The following GSN variants were observed in gnomAD, a reference collection of about 807,000 sequenced individuals.
GSN encodes the protein gelsolin, also known as actin-depolymerizing factor.
GSN carries 56 observed loss-of-function variants against 85.7 expected under a neutral mutation model. That is an observed-to-expected ratio of 0.65 (90% CI 0.53 to 0.82). The LOEUF is 0.82. GSN is among the 40% of genes least tolerant of loss of function. GSN has a pLI of 0.00. For missense variants in GSN, 857 were observed against 979.8 expected (o/e 0.87, Z 1.67); for synonymous variants, 373 against 399.1 (o/e 0.93, Z 0.78).
intron 2 of GSN, chr9:121,286,177 G>C: frequency 6.5e-7 from 1 of 1,532,602 alleles, no homozygotes; most frequent in South Asian, 1.2e-5. Flanking sequence ...GGGCAATTCT[G>C]ACCCATGGGT....
In GSN at chr9:121,332,725, C is replaced by CTTT; in HGVS notation, c.*134_*136dup. 6.6e-6 allele frequency: 4 copies of CTTT among 602,476 alleles called. No homozygotes were observed. The highest frequency in any genetic ancestry group is 2.9e-5 in the East Asian group (1 of 34,276). The allele number at this position is 602,476 out of a possible 1,614,324, so 37.3% of individuals were successfully genotyped here. A position where few individuals can be genotyped will look rare whatever the true frequency, so the allele number is the denominator to read the frequency against. ...GTGTGTGTGTGTGTGTGTGTTGTTTCTTTTTTTTTTTTTTACAGTATCCAA... is the reference window on the plus strand; with the variant it reads ...GTGTGTGTGTGTGTGTGTGTTGTTTCTTTTTTTTTTTTTTTTTACAGTATCCAA... On this transcript the variant is annotated 3_prime_UTR_variant, in exon 18 of 18. Transcript: ENST00000432226. This position sits in a 1 kb window ranked among gnomAD's most constrained non-coding sequence, Gnocchi z 4.8.
At chr9:121,263,832 T>C (rs2055137941), upstream of GSN, among the ~76,000 whole-genome samples, 1 of 140,722 alleles carries the variant, frequency 7.1e-6, no homozygotes, top group African/African-American at 2.7e-5. Flanking sequence ...GAGGTTGCGG[T>C]GAACCGAGAT....
At chr9:121,207,407 C>T (rs780005533), upstream of GSN, among the ~76,000 whole-genome samples, 2 of 152,144 alleles carry the variant, frequency 1.3e-5, no homozygotes, top group African/African-American at 4.8e-5. Flanking sequence ...TACAGAAGAA[C>T]CCTGAGCTTA....
chr9:121,221,488 C>T (rs1050909024), intron 4 of GSN, among the ~76,000 whole-genome samples: 2 of 152,174 alleles, frequency 1.3e-5, no homozygotes. Context: ...CCTGTTCTAG[C>T]GTGCCATGTT....
Position 121,299,861 on chromosome 9 carries a change from C to T in GSN, c.-9-2102C>T. 7.4e-7 allele frequency: 1 copy of T among 1,355,924 alleles called. No homozygotes were observed. The highest frequency in any genetic ancestry group is 9.6e-7 in the Non-Finnish European group (1 of 1,045,028). The allele number at this position is 1,355,924 out of a possible 1,614,324, so 84.0% of individuals were successfully genotyped here. A position where few individuals can be genotyped will look rare whatever the true frequency, so the allele number is the denominator to read the frequency against. Reference sequence around the variant, plus strand: ...CTGGGTCCCCTGCCGCTGTCGCCACCATGGCTCCGCACCGCCCCGCGCCCG... The same window carrying T: ...CTGGGTCCCCTGCCGCTGTCGCCACTATGGCTCCGCACCGCCCCGCGCCCG... On this transcript the variant is annotated intron_variant, in intron 2 of 17. Coordinates refer to ENST00000432226, the MANE Select transcript of GSN (RefSeq NM_198252.3). This position sits in a 1 kb window ranked among gnomAD's most constrained non-coding sequence, Gnocchi z 4.2.
At chr9:121,308,186 T>C (rs2060631036) in intron 4 of GSN, among the ~76,000 whole-genome samples, 1 of 152,206 alleles carries the variant, frequency 6.6e-6, no homozygotes, top group South Asian at 2.1e-4. Context: ...GGTGGAAAGA[T>C]AGGTTGTTAG....
chr9:121,275,602 T>C (rs1247462327), intron 1 of GSN, among the ~76,000 whole-genome samples: 3 of 152,018 alleles, frequency 2.0e-5, no homozygotes, highest in Admixed American at 2.0e-4. Flanking sequence ...CCTGTATCCA[T>C]CCCCCTCCCA....
intron 6 of GSN, among the ~76,000 whole-genome samples, chr9:121,251,449 G>T (rs1437061553): frequency 6.6e-6 from 1 of 151,468 alleles, no homozygotes; most frequent in Non-Finnish European, 1.5e-5. Context: ...CACCCAACTC[G>T]GCCTCCCAAA....
chr9:121,204,217 C>A (rs142906361), upstream of GSN, among the ~76,000 whole-genome samples: 3 of 152,090 alleles, frequency 2.0e-5, no homozygotes, highest in Non-Finnish European at 4.4e-5. Context: ...CTATATTTAC[C>A]CCATTTTATG....
intron 3 of GSN, chr9:121,210,456 T>C (rs1287249522): frequency 2.6e-5 from 4 of 152,194 alleles, no homozygotes; most frequent in Admixed American, 1.3e-4. Context: ...TAATTCTCCT[T>C]TGGGGAGGTG....
At chr9:121,225,608 AG>A (rs1022039350) in intron 4 of GSN, among the ~76,000 whole-genome samples, 9 of 152,192 alleles carry the variant, frequency 5.9e-5, no homozygotes, top group African/African-American at 1.9e-4. Context: ...AAAAGAACTC[AG>A]GTTTTCAAAC....
In GSN at chr9:121,208,683, A is replaced by G. The variant is rs138762566; in HGVS notation, c.-807-613A>G. ...AGTTGTACCTATTGCTTTTGCTGAC[A>G]TCCCATTGGTAGGTCACATGGTCAC... is the stretch of plus-strand genomic sequence containing the variant. On this transcript the variant is annotated intron_variant, in intron 1 of 24. Coordinates refer to the GSN transcript ENST00000373823. Among the ~76,000 whole-genome samples, 46 of 152,352 alleles carry G rather than the reference A, an allele frequency of 3.0e-4. No individual in the cohort carries two copies. The East Asian group carries it at 8.7e-3, about 29-fold the overall frequency.
intron 4 of GSN, among the ~76,000 whole-genome samples, chr9:121,220,039 G>A (rs746663971): frequency 2.0e-4 from 30 of 152,096 alleles, no homozygotes; most frequent in Non-Finnish European, 7.4e-5. Flanking sequence ...GCGCCACTGC[G>A]CCTGGCTAAT....
At chr9:121,242,681 A>T (rs1341664388) in intron 5 of GSN, among the ~76,000 whole-genome samples, 1 of 152,198 alleles carries the variant, frequency 6.6e-6, no homozygotes, top group East Asian at 1.9e-4. Flanking sequence ...CGCAGCTCTG[A>T]TAATTGTTCA....
Position 121,312,259 on chromosome 9 carries a change from C to T in GSN, c.514-80C>T, listed in dbSNP as rs143815066. The T allele has an allele frequency of 1.8e-5, 27 of 1,509,192 alleles. No homozygotes were observed. In the African/African-American group the frequency reaches 2.7e-4, roughly 15 times the overall value. The allele number at this position is 1,509,192 out of a possible 1,614,324, so 93.5% of individuals were successfully genotyped here. A position where few individuals can be genotyped will look rare whatever the true frequency, so the allele number is the denominator to read the frequency against. ...GAACAGGGTGAGCCTGCACACCACA[C>T]GCCACACTCCCCAAGCCCTGTCGCT... On this transcript the variant is annotated intron_variant, in intron 5 of 17. Transcript: ENST00000432226.
the GSN span, among the ~76,000 whole-genome samples, chr9:121,202,039 G>T: frequency 6.6e-6 from 1 of 152,336 alleles, no homozygotes; most frequent in Non-Finnish European, 1.5e-5. Flanking sequence ...TCGCGCCGCC[G>T]CTGAGGCCCG....
At chr9:121,267,027 T>A (rs1318159271), upstream of GSN, among the ~76,000 whole-genome samples, 1 of 152,156 alleles carries the variant, frequency 6.6e-6, no homozygotes, top group African/African-American at 2.4e-5. Context: ...CTAGTACATT[T>A]TACCTTGTGT....
rs146329975 is a variant in GSN, at chr9:121,312,422, C to T, written c.597C>T (p.Asn199=). The T allele has an allele frequency of 4.6e-4, 736 of 1,614,134 alleles. 4 individuals are homozygous for T. In the African/African-American group the frequency reaches 8.1e-3, roughly 18 times the overall value. The change falls in exon 6 of 18, where the codon AAC becomes AAT. Residue 199 remains asparagine, a synonymous_variant. Coordinates refer to ENST00000432226, the MANE Select transcript of GSN (RefSeq NM_198252.3). Reference sequence around the variant, plus strand: ...AGGTGTCCAAGGGCATCCGGGACAACGAGCGGAGTGGCCGGGCCCGAGTGC... The same window carrying T: ...AGGTGTCCAAGGGCATCCGGGACAATGAGCGGAGTGGCCGGGCCCGAGTGC... The part of the protein sequence containing the change: ...ATQVSKGIRD[N]ERSGRARVHV...
At position 121,300,757 on chromosome 9, in the gene GSN, G is replaced by T. The variant is rs191558689; in HGVS notation, c.-9-1206G>T. Reference sequence around the variant, plus strand: ...ATCCTCTTCTCCTCTTCCAAGAAATGAAATTTGGGGGTGGTGTGTTGTGGG... The same window carrying T: ...ATCCTCTTCTCCTCTTCCAAGAAATTAAATTTGGGGGTGGTGTGTTGTGGG... On this transcript the variant is annotated intron_variant, in intron 2 of 17. Transcript: ENST00000432226. Among the ~76,000 whole-genome samples, 153 of 152,272 alleles carry T rather than the reference G, an allele frequency of 1.0e-3. 1 individual carries two copies. In the East Asian group the frequency reaches 0.024, roughly 24 times the overall value.
Sources: allele counts gnomAD v4.1 joint callset (sites outside exome capture counted in the v4.1 genomes callset), GRCh38; gene constraint gnomAD v4.1.1; non-coding constraint Gnocchi (gnomAD v3.1); transcripts MANE v1.5; gene names NCBI Gene and HGNC (gene_info 2026-07-23, HGNC 2026-07-21).